Variants in SLC4A5 observed in about 807,000 individuals in gnomAD.
SLC4A5 encodes the protein solute carrier family 4 member 5, also known as electrogenic sodium bicarbonate cotransporter 4.
A neutral mutation model predicts 120.4 loss-of-function variants in SLC4A5; 96 were observed. That is an observed-to-expected ratio of 0.80 (90% CI 0.68 to 0.94). The LOEUF (loss-of-function observed/expected upper bound fraction) is 0.94. SLC4A5 is among the 40% of genes least tolerant of loss of function. SLC4A5 has a pLI of 0.00. For synonymous variants in SLC4A5, 550 were observed against 571.1 expected (o/e 0.96, Z 0.53); for missense variants, 1,259 against 1,459.5 (o/e 0.86, Z 2.24).
At chr2:74,235,037 G>A (rs1670225154) in intron 22 of SLC4A5, 64 bp downstream of exon 22, 2 of 1,294,216 alleles carry the variant, frequency 1.5e-6, no homozygotes, top group African/African-American at 1.5e-5. Context: ...CAGCACAGAG[G>A]GGAAAGAATC....
chr2:74,319,732 C>A (rs1322420870), intron 5 of SLC4A5, among the ~76,000 whole-genome samples: 2 of 152,152 alleles, frequency 1.3e-5, no homozygotes, highest in Non-Finnish European at 2.9e-5. Context: ...TTCCCATCAG[C>A]CACCCCTAAC....
chr2:74,292,473 A>T (rs1180340706), intron 7 of SLC4A5, among the ~76,000 whole-genome samples: 1 of 152,222 alleles, frequency 6.6e-6, no homozygotes, highest in Non-Finnish European at 1.5e-5. Context: ...ACATGTGTGC[A>T]GCACGTCAGA....
intron 7 of SLC4A5, among the ~76,000 whole-genome samples, chr2:74,297,249 T>C (rs533248659): frequency 5.8e-4 from 89 of 152,348 alleles, no homozygotes; most frequent in African/African-American, 2.1e-3. Context: ...GAACCAACTA[T>C]ATGTTAAGTG....
At chr2:74,233,612 A>G (rs759783900) in intron 22 of SLC4A5, 49 bp from the exon 23 acceptor site, 2 of 1,545,592 alleles carry the variant, frequency 1.3e-6, no homozygotes, top group South Asian at 1.2e-5. Context: ...CCCTTGTCCC[A>G]GGGCACTTGT....
chr2:74,221,102 G>A (rs534978966), intron 30 of SLC4A5, among the ~76,000 whole-genome samples: 18 of 151,762 alleles, frequency 1.2e-4, no homozygotes, highest in African/African-American at 3.1e-4. Flanking sequence ...CTTGGCCTCC[G>A]AAAGTGCTGG....
chr2:74,279,823 T>C (rs139509661), intron 8 of SLC4A5, among the ~76,000 whole-genome samples: 3,336 of 152,338 alleles, frequency 0.022, 147 homozygotes, highest in Admixed American at 0.1. Context: ...GTTGGAATTC[T>C]GGGTGTCTCC....
intron 20 of SLC4A5, among the ~76,000 whole-genome samples, chr2:74,241,257 AT>A: frequency 6.8e-6 from 1 of 146,676 alleles, no homozygotes; most frequent in East Asian, 2.0e-4. Flanking sequence ...TCATATTATT[AT>A]TATTATTATT....
At chr2:74,218,702 T>C (rs1321166700) in exon 31 of SLC4A5, 2 of 152,668 alleles carry the variant, frequency 1.3e-5, no homozygotes, top group Admixed American at 1.3e-4. Flanking sequence ...ACTCCATCTC[T>C]ATCTTCACCT....
rs928431268 is a variant in SLC4A5, at chr2:74,255,451, C to T, written c.1025+324G>A. On this transcript the variant is annotated intron_variant, in intron 13 of 30. Coordinates refer to ENST00000394019, the Ensembl canonical transcript of SLC4A5. The surrounding 1 kb of genome is among the most constrained non-coding windows in gnomAD (Gnocchi z 4.0). ...GGGATTACAGGCGCGTACCACCACA[C>T]CTGGCTAATTTTTTTGTATTTTTAG... Among the ~76,000 whole-genome samples, 9 of 152,060 alleles carry T rather than the reference C, an allele frequency of 5.9e-5. No individual in the cohort carries two copies. The highest frequency in any genetic ancestry group is 1.2e-4 in the Non-Finnish European group (8 of 68,020).
chr2:74,225,010 G>C lies in SLC4A5; in HGVS notation c.3091-15C>G, dbSNP rs778391845. 3 of 1,597,066 alleles carry C rather than the reference G, an allele frequency of 1.9e-6. No individual in the cohort carries two copies. The highest frequency in any genetic ancestry group is 1.8e-5 in the Admixed American group (1 of 54,296). ...AGGCCCAGGATCTGTGGTGGAGAGA[G>C]ACTAAAGTTTTGTGAGAATTTGGAG... On this transcript the variant is annotated splice_polypyrimidine_tract_variant and intron_variant, in intron 27 of 30. Coordinates refer to ENST00000394019, the Ensembl canonical transcript of SLC4A5.
intron 6 of SLC4A5, among the ~76,000 whole-genome samples, chr2:74,306,167 T>C (rs1672637054): frequency 6.6e-6 from 1 of 152,032 alleles, no homozygotes; most frequent in Non-Finnish European, 1.5e-5. Context: ...ACCACCTAAA[T>C]CCAAAGGGCA....
intron 8 of SLC4A5, among the ~76,000 whole-genome samples, chr2:74,283,668 T>C (rs923168910): frequency 1.3e-5 from 2 of 152,164 alleles, no homozygotes; most frequent in Non-Finnish European, 2.9e-5. Flanking sequence ...GGTGTCACAG[T>C]GGCCCCCATG....
intron 16 of SLC4A5, among the ~76,000 whole-genome samples, chr2:74,251,709 G>A (rs947460843): frequency 1.3e-5 from 2 of 152,214 alleles, no homozygotes; most frequent in African/African-American, 4.8e-5. Flanking sequence ...TGGAGAGGCA[G>A]AGCCGGGGGT....
chr2:74,298,974 C>T lies in SLC4A5; in HGVS notation c.271+5515G>A, dbSNP rs1672402769. On this transcript the variant is annotated intron_variant, in intron 7 of 30. Transcript: ENST00000394019. ...CAAATCTCATCTTGAATTGTAGCTCCTATAATCCCCATGTGTCATGGGAGG... is the reference window on the plus strand; with the variant it reads ...CAAATCTCATCTTGAATTGTAGCTCTTATAATCCCCATGTGTCATGGGAGG... Among the ~76,000 whole-genome samples, 3 of 152,144 alleles carry T rather than the reference C, an allele frequency of 2.0e-5. No homozygotes were observed. The South Asian group carries it at 6.2e-4, about 32-fold the overall frequency.
At chr2:74,254,672 C>T (rs1670903223) in exon 14 of SLC4A5, 2 of 1,613,918 alleles carry the variant, frequency 1.2e-6, no homozygotes, top group Non-Finnish European at 1.7e-6. Context: ...TAGGATTTTG[C>T]TCTCCCAGAA....
chr2:74,232,738 C>T, intron 23 of SLC4A5, 91 bp from the exon 24 acceptor site: 1 of 1,491,596 alleles, frequency 6.7e-7, no homozygotes. Flanking sequence ...TCAAGGACCC[C>T]CTGCCTTCCA....
rs11326076 is a variant in SLC4A5 at position 74,294,680 on chromosome 2, A to AT, written c.272-8779dup. On this transcript the variant is annotated intron_variant, in intron 7 of 30. Coordinates refer to ENST00000394019, the Ensembl canonical transcript of SLC4A5. ...ATTTAAAGGCCTCTCAGTTTTTTGG[A>AT]TTTTTTTTTTTTTTTTGAGACACAG... Among the ~76,000 whole-genome samples, 564 of 140,106 alleles carry AT rather than the reference A, an allele frequency of 4.0e-3. 1 individual carries two copies. The highest frequency in any genetic ancestry group is 0.012 in the South Asian group (52 of 4,282). 91.9% of individuals were successfully genotyped at this position (140,106 alleles called of 152,430 possible). A position where few individuals can be genotyped will look rare whatever the true frequency, so the allele number is the denominator to read the frequency against.
chr2:74,233,681 C>T, intron 22 of SLC4A5, 118 bp from the exon 23 acceptor site: 2 of 1,235,672 alleles, frequency 1.6e-6, no homozygotes, highest in Non-Finnish European at 1.1e-6. Flanking sequence ...TTTTCAAGTG[C>T]AATCTTTTCC....
intron 10 of SLC4A5, among the ~76,000 whole-genome samples, chr2:74,263,096 A>G (rs58066925): frequency 0.11 from 16,033 of 152,212 alleles, 909 homozygotes; most frequent in East Asian, 0.22. Flanking sequence ...CTGGAGTGCA[A>G]TGGCACGATC....
Sources: allele counts gnomAD v4.1 joint callset (sites outside exome capture counted in the v4.1 genomes callset), GRCh38; gene constraint gnomAD v4.1.1; non-coding constraint Gnocchi (gnomAD v3.1); transcripts MANE v1.5; gene names NCBI Gene and HGNC (gene_info 2026-07-23, HGNC 2026-07-21).